The following FAM13A variants were observed in gnomAD, a reference collection of about 807,000 sequenced individuals.
The protein encoded by FAM13A is protein FAM13A.
A neutral mutation model predicts 129.6 loss-of-function variants in FAM13A; 76 were observed. That is an observed-to-expected ratio of 0.59 (90% CI 0.49 to 0.71). The LOEUF (loss-of-function observed/expected upper bound fraction) is 0.71, where lower values mean the gene tolerates loss of function less well. Ranked by LOEUF, FAM13A falls within the 30% of genes least tolerant of loss-of-function variation. FAM13A has a pLI of 0.00. For missense variants in FAM13A, 1,108 were observed against 1,249.3 expected (o/e 0.89, Z 1.70); for synonymous variants, 443 against 449.9 (o/e 0.98, Z 0.20).
intron 4 of FAM13A, among the ~76,000 whole-genome samples, chr4:88,977,981 AC>A (rs1761132584): frequency 6.6e-6 from 1 of 152,180 alleles, no homozygotes; most frequent in African/African-American, 2.4e-5. Context: ...TCTCACCTGA[AC>A]CCAAGGAATA....
intron 20 of FAM13A, among the ~76,000 whole-genome samples, chr4:88,738,301 A>G (rs1578427926): frequency 6.6e-6 from 1 of 152,142 alleles, no homozygotes; most frequent in East Asian, 1.9e-4. Context: ...GGAGCACTGA[A>G]ACAGAAGCAA....
intron 5 of FAM13A, among the ~76,000 whole-genome samples, chr4:88,922,937 C>A (rs1389009754): frequency 1.3e-5 from 2 of 152,208 alleles, no homozygotes; most frequent in Non-Finnish European, 2.9e-5. Flanking sequence ...CGCAAATAAA[C>A]TAGAAAATCT....
intron 4 of FAM13A, among the ~76,000 whole-genome samples, chr4:88,986,453 C>T (rs7691363): frequency 0.37 from 56,407 of 152,112 alleles, 10,507 homozygotes; most frequent in Middle Eastern, 0.51. Flanking sequence ...TTTTAAGCCA[C>T]GTAAGTGTTA....
At chr4:88,770,310 C>T (rs1039749598) in intron 11 of FAM13A, among the ~76,000 whole-genome samples, 14 of 152,160 alleles carry the variant, frequency 9.2e-5, no homozygotes, top group Admixed American at 2.6e-4. Context: ...AATCTTTGTT[C>T]CCATTGGTAA....
At chr4:88,850,968 A>G in intron 7 of FAM13A, 52 bp downstream of exon 7, 6 of 1,566,898 alleles carry the variant, frequency 3.8e-6, no homozygotes, top group South Asian at 1.1e-5. Flanking sequence ...GGGCCTAAAC[A>G]TAAGAGCGAA....
intron 6 of FAM13A, among the ~76,000 whole-genome samples, chr4:88,903,681 A>G (rs141247741): frequency 1.2e-3 from 185 of 152,324 alleles, no homozygotes; most frequent in African/African-American, 4.3e-3. Context: ...CTTCACAAGA[A>G]AATCTAGGCA....
At chr4:88,888,915 G>A (rs1021831494) in intron 6 of FAM13A, among the ~76,000 whole-genome samples, 17 of 139,952 alleles carry the variant, frequency 1.2e-4, no homozygotes, top group African/African-American at 3.7e-4. Context: ...CAGCCTGGGC[G>A]ACAGAGCGAG....
chr4:88,939,388 C>G (rs1266818964), intron 4 of FAM13A, among the ~76,000 whole-genome samples: 1 of 152,126 alleles, frequency 6.6e-6, no homozygotes, highest in African/African-American at 2.4e-5. Context: ...TCCCTCTACC[C>G]CATTCTTATA....
intron 4 of FAM13A, among the ~76,000 whole-genome samples, chr4:88,974,442 GC>G (rs1015428916): frequency 4.8e-4 from 73 of 152,210 alleles, no homozygotes; most frequent in African/African-American, 1.7e-3. Flanking sequence ...CTCCTTAAAT[GC>G]TAGACCAGGA....
intron 4 of FAM13A, among the ~76,000 whole-genome samples, chr4:88,964,848 G>A (rs1010429327): frequency 3.9e-5 from 6 of 151,946 alleles, no homozygotes; most frequent in East Asian, 1.9e-4. Context: ...GGCTGGTCTC[G>A]AACTCCTGAC....
chr4:88,905,842 T>C (rs190044097), intron 6 of FAM13A: 1 of 152,230 alleles, frequency 6.6e-6, no homozygotes, highest in African/African-American at 2.4e-5. Context: ...AATACAACCA[T>C]GGATTAAAGG....
intron 2 of FAM13A, among the ~76,000 whole-genome samples, chr4:89,026,335 T>C (rs114513168): frequency 0.014 from 2,064 of 152,326 alleles, 48 homozygotes; most frequent in African/African-American, 0.047. Context: ...TTTGAAGCAT[T>C]TGAATAAATC....
chr4:88,790,711 G>T, intron 8 of FAM13A, 84 bp from the exon 9 acceptor site: 1 of 1,167,296 alleles, frequency 8.6e-7, no homozygotes, highest in Non-Finnish European at 1.3e-6. Flanking sequence ...ATCGCAGGCT[G>T]AAAGAAATTA....
chr4:88,924,707 A>G (rs1010491470), intron 5 of FAM13A, among the ~76,000 whole-genome samples: 19 of 152,136 alleles, frequency 1.2e-4, no homozygotes, highest in Admixed American at 5.9e-4. Flanking sequence ...GACAAATGGG[A>G]TCTAATTAAA....
chr4:88,927,674 T>C (rs1390991288), intron 5 of FAM13A, among the ~76,000 whole-genome samples: 1 of 151,792 alleles, frequency 6.6e-6, no homozygotes, highest in African/African-American at 2.4e-5. Context: ...TCTTTGATGA[T>C]TTTTTTTATT....
At chr4:88,801,154 A>C (rs998263183) in intron 8 of FAM13A, among the ~76,000 whole-genome samples, 1 of 152,232 alleles carries the variant, frequency 6.6e-6, no homozygotes, top group Non-Finnish European at 1.5e-5. Context: ...ACATATCAGG[A>C]ATAGCAGTGG....
At chr4:88,752,846 A>G (rs1051214348) in intron 14 of FAM13A, among the ~76,000 whole-genome samples, 6 of 152,226 alleles carry the variant, frequency 3.9e-5, no homozygotes, top group African/African-American at 1.4e-4. Flanking sequence ...ATTTCATAAG[A>G]CACCAGTAAT....
At chr4:89,048,980 G>A (rs1324826909) in intron 1 of FAM13A, among the ~76,000 whole-genome samples, 13 of 152,194 alleles carry the variant, frequency 8.5e-5, no homozygotes, top group Admixed American at 7.9e-4. Flanking sequence ...CCATATTGTA[G>A]GAGGTCACTA....
At chr4:89,012,196 C>T (rs879770939) in intron 3 of FAM13A, among the ~76,000 whole-genome samples, 3 of 152,154 alleles carry the variant, frequency 2.0e-5, no homozygotes, top group Non-Finnish European at 4.4e-5. Flanking sequence ...CACCTATTTC[C>T]AAAACACACA....
Sources: gnomAD v4.1 joint callset for allele counts (sites outside exome capture counted in the v4.1 genomes callset) on GRCh38, gnomAD v4.1.1 for gene constraint, MANE v1.5 for transcripts, NCBI Gene and HGNC (gene_info 2026-07-23, HGNC 2026-07-21) for gene names.